The following GRID2 variants were observed in gnomAD, a reference collection of about 807,000 sequenced individuals.
The protein encoded by GRID2 is glutamate receptor ionotropic, delta-2.
A neutral mutation model predicts 114.8 loss-of-function variants in GRID2; 33 were observed. The observed-to-expected ratio is 0.29, with a 90% CI of 0.22 to 0.38. The LOEUF (loss-of-function observed/expected upper bound fraction) is 0.38. Ranked by LOEUF, GRID2 falls within the 10% of genes least tolerant of loss-of-function variation. The probability of loss-of-function intolerance (pLI) is 1.00; values close to 1 mark genes in which losing one functional copy is unlikely to be tolerated. For missense variants in GRID2, 1,184 were observed against 1,257.7 expected (o/e 0.94, Z 0.89); for synonymous variants, 505 against 449.9 (o/e 1.12, Z -1.55).
At chr4:92,462,896 T>A (rs1721565329) in intron 1 of GRID2, among the ~76,000 whole-genome samples, 1 of 151,912 alleles carries the variant, frequency 6.6e-6, no homozygotes, top group African/African-American at 2.4e-5. Context: ...AAGAAATAGG[T>A]GCTTTCTTAC....
intron 3 of GRID2, among the ~76,000 whole-genome samples, chr4:93,100,262 A>G (rs892197133): frequency 1.3e-5 from 2 of 151,872 alleles, no homozygotes. Context: ...ATCACAAGCT[A>G]TTATCAAATA....
chr4:92,666,740 G>C (rs1732807854), intron 2 of GRID2, among the ~76,000 whole-genome samples: 1 of 141,608 alleles, frequency 7.1e-6, no homozygotes, highest in African/African-American at 2.6e-5. Flanking sequence ...CGTATTTTCA[G>C]GTGCTGTGAA....
chr4:92,312,079 G>GAT (rs1458637224), intron 1 of GRID2, among the ~76,000 whole-genome samples: 1 of 151,956 alleles, frequency 6.6e-6, no homozygotes, highest in East Asian at 1.9e-4. Flanking sequence ...TCAGTCAGAG[G>GAT]ATATAGCAAG....
At chr4:93,083,711 A>T (rs1183107605) in intron 2 of GRID2, among the ~76,000 whole-genome samples, 3 of 151,916 alleles carry the variant, frequency 2.0e-5, no homozygotes, top group East Asian at 1.9e-4. Context: ...AAAAAAAAAA[A>T]AAAAAAATAC....
intron 2 of GRID2, among the ~76,000 whole-genome samples, chr4:92,649,726 C>G (rs1319229915): frequency 6.6e-6 from 1 of 152,004 alleles, no homozygotes; most frequent in South Asian, 2.1e-4. Context: ...AACTATCCTG[C>G]CTGCAACCAA....
At chr4:93,233,461 G>C (rs1392687791) in intron 7 of GRID2, among the ~76,000 whole-genome samples, 2 of 151,676 alleles carry the variant, frequency 1.3e-5, no homozygotes, top group African/African-American at 2.4e-5. Context: ...TTCTGCTTCA[G>C]CCTCCTGAGT....
chr4:93,333,077 T>C (rs571089569), intron 8 of GRID2, among the ~76,000 whole-genome samples: 1 of 152,290 alleles, frequency 6.6e-6, no homozygotes, highest in South Asian at 2.1e-4. Context: ...TTCTGGGTGC[T>C]CTAAGCCTTT....
At chr4:92,899,518 G>A (rs983031702) in intron 2 of GRID2, among the ~76,000 whole-genome samples, 2 of 152,068 alleles carry the variant, frequency 1.3e-5, no homozygotes, top group Non-Finnish European at 2.9e-5. Context: ...TTATTCAACA[G>A]GACTTGGTAT....
chr4:92,636,275 C>T (rs972692431), intron 2 of GRID2, among the ~76,000 whole-genome samples: 2 of 151,198 alleles, frequency 1.3e-5, no homozygotes, highest in African/African-American at 4.8e-5. Flanking sequence ...ATTCCTCTGT[C>T]GCAGGGTGAC....
chr4:92,452,919 A>G (rs1721011615), intron 1 of GRID2, among the ~76,000 whole-genome samples: 1 of 141,744 alleles, frequency 7.1e-6, no homozygotes, highest in South Asian at 2.4e-4. Context: ...GTTTCTATAT[A>G]TGATACATAG....
chr4:93,726,334 A>G lies in GRID2; in HGVS notation c.2361-42876A>G, dbSNP rs544662926. 2.2e-4 allele frequency among the ~76,000 whole-genome samples: 34 copies of G among 152,132 alleles called. No individual in the cohort carries two copies. The East Asian group carries it at 6.2e-3, about 28-fold the overall frequency. ...ATTTCTGAGGGCTCTGTTCTGTTCC[A>G]TTGGTCTATATCTCTGTTTTGGTAC... On this transcript the variant is annotated intron_variant, in intron 14 of 15. Transcript: ENST00000282020.
chr4:93,244,450 C>A (rs1747904878), intron 8 of GRID2, among the ~76,000 whole-genome samples: 1 of 149,182 alleles, frequency 6.7e-6, no homozygotes, highest in South Asian at 2.1e-4. Context: ...TTGGGCAAAC[C>A]TAATGTACTG....
intron 12 of GRID2, among the ~76,000 whole-genome samples, chr4:93,506,940 G>C (rs934472619): frequency 2.0e-5 from 3 of 152,162 alleles, no homozygotes; most frequent in African/African-American, 7.2e-5. Context: ...AGAGATTGCT[G>C]TCTCTGGGTT....
At chr4:92,436,407 A>G (rs1216491216) in intron 1 of GRID2, among the ~76,000 whole-genome samples, 2 of 152,186 alleles carry the variant, frequency 1.3e-5, no homozygotes, top group African/African-American at 4.8e-5. Flanking sequence ...ATTAAATTAT[A>G]ATCAATTTGT....
chr4:93,142,132 T>C (rs1380303604), intron 4 of GRID2, among the ~76,000 whole-genome samples: 1 of 152,088 alleles, frequency 6.6e-6, no homozygotes, highest in Non-Finnish European at 1.5e-5. Flanking sequence ...GAGGATGGCT[T>C]GAGCTTGGAG....
At chr4:92,750,356 T>C (rs1737389982) in intron 2 of GRID2, among the ~76,000 whole-genome samples, 1 of 152,214 alleles carries the variant, frequency 6.6e-6, no homozygotes, top group Non-Finnish European at 1.5e-5. Flanking sequence ...TTTTGCCTCC[T>C]GCCTATTCTA....
intron 1 of GRID2, among the ~76,000 whole-genome samples, chr4:92,383,551 C>T (rs1729719545): frequency 6.6e-6 from 1 of 151,836 alleles, no homozygotes; most frequent in Non-Finnish European, 1.5e-5. Flanking sequence ...TATAGAAAGC[C>T]CCCTTAAAAG....
At chr4:92,977,433 G>T (rs1311104454) in intron 2 of GRID2, among the ~76,000 whole-genome samples, 2 of 152,132 alleles carry the variant, frequency 1.3e-5, no homozygotes, top group Admixed American at 1.3e-4. Context: ...AATATAACTG[G>T]CATATTGTGA....
At chr4:93,129,098 A>G (rs1734561061) in intron 4 of GRID2, among the ~76,000 whole-genome samples, 1 of 152,190 alleles carries the variant, frequency 6.6e-6, no homozygotes, top group Admixed American at 6.5e-5. Context: ...AAAATTCAGA[A>G]TAACTGCCAC....
Sources: allele counts gnomAD v4.1 joint callset (sites outside exome capture counted in the v4.1 genomes callset), GRCh38; gene constraint gnomAD v4.1.1; transcripts MANE v1.5; gene names NCBI Gene and HGNC (gene_info 2026-07-23, HGNC 2026-07-21).